SIPA1L1: variants seen among roughly 807,000 people sequenced by gnomAD.
SIPA1L1 encodes the protein signal-induced proliferation-associated 1-like protein 1.
In SIPA1L1, 26 loss-of-function variants were observed where a neutral mutation model predicts 162.7. The observed-to-expected ratio is 0.16, with a 90% CI of 0.12 to 0.22. The LOEUF is 0.22. SIPA1L1 is among the 10% of genes least tolerant of loss of function. SIPA1L1 has a pLI of 1.00. For synonymous variants in SIPA1L1, 829 were observed against 837.4 expected (o/e 0.99, Z 0.17); for missense variants, 1,874 against 2,241.0 (o/e 0.84, Z 3.31).
At chr14:71,667,556 C>T (rs1213919420) in intron 10 of SIPA1L1, among the ~76,000 whole-genome samples, 1 of 152,156 alleles carries the variant, frequency 6.6e-6, no homozygotes, top group Non-Finnish European at 1.5e-5. Flanking sequence ...TCTTTCCTGT[C>T]CTTTGCCCAG....
rs117643565 is a variant in SIPA1L1 at position 71,493,448 on chromosome 14, G to A, written c.-464-19295G>A. Among the ~76,000 whole-genome samples, 243 of 152,290 alleles carry A rather than the reference G, an allele frequency of 1.6e-3. 1 individual carries two copies. The highest frequency in any genetic ancestry group is 2.9e-3 in the Non-Finnish European group (199 of 68,018). On this transcript the variant is annotated intron_variant, in intron 2 of 23. Coordinates refer to ENST00000381232, the MANE Select transcript of SIPA1L1 (RefSeq NM_001386936.1). ...ATGGGAGGTCTTGTTTTACTGCTAT[G>A]TTTGTGAACAATACAAATTCAATTA...
At chr14:71,721,845 G>A (rs2083770254) in intron 17 of SIPA1L1, among the ~76,000 whole-genome samples, 1 of 152,156 alleles carries the variant, frequency 6.6e-6, no homozygotes, top group African/African-American at 2.4e-5. Context: ...TTCAAGGACT[G>A]CAGTCCCTGT....
intron 2 of SIPA1L1, among the ~76,000 whole-genome samples, chr14:71,444,625 G>T (rs1412341569): frequency 1.3e-5 from 2 of 152,132 alleles, no homozygotes; most frequent in Non-Finnish European, 2.9e-5. Flanking sequence ...AGTGTTCTCA[G>T]TGTGACTGTG....
intron 8 of SIPA1L1, among the ~76,000 whole-genome samples, chr14:71,655,975 C>CAAA (rs2043021498): frequency 3.3e-5 from 5 of 151,986 alleles, no homozygotes; most frequent in Admixed American, 3.3e-4. Context: ...TTCATTCTTT[C>CAAA]TGGTAAAGTT....
At chr14:71,674,962 G>T (rs1322527463) in intron 12 of SIPA1L1, among the ~76,000 whole-genome samples, 2 of 152,204 alleles carry the variant, frequency 1.3e-5, no homozygotes, top group Non-Finnish European at 2.9e-5. Flanking sequence ...GCTCTGAACT[G>T]CCACGTTGTG....
chr14:71,466,536 C>G (rs1032079935), intron 2 of SIPA1L1, among the ~76,000 whole-genome samples: 1 of 149,216 alleles, frequency 6.7e-6, no homozygotes, highest in Non-Finnish European at 1.5e-5. Context: ...CCAGGCTGCT[C>G]TGTATTTGTG....
intron 5 of SIPA1L1, among the ~76,000 whole-genome samples, chr14:71,613,237 A>G (rs972382786): frequency 6.6e-6 from 1 of 152,218 alleles, no homozygotes; most frequent in African/African-American, 2.4e-5. Flanking sequence ...GGCTAAGTAA[A>G]TGAGCTGATT....
chr14:71,550,818 A>C (rs930401030), intron 4 of SIPA1L1, among the ~76,000 whole-genome samples: 3 of 152,164 alleles, frequency 2.0e-5, no homozygotes, highest in African/African-American at 7.2e-5. Flanking sequence ...AGGGAGGCTG[A>C]AGCAGAAGGA....
At chr14:71,489,872 A>G (rs1252829614) in intron 2 of SIPA1L1, among the ~76,000 whole-genome samples, 3 of 152,192 alleles carry the variant, frequency 2.0e-5, no homozygotes, top group Non-Finnish European at 2.9e-5. Flanking sequence ...TGAGAAAGGT[A>G]AGACTAGTGG....
chr14:71,394,207 C>G (rs2041000408), intron 2 of SIPA1L1, among the ~76,000 whole-genome samples: 1 of 152,180 alleles, frequency 6.6e-6, no homozygotes, highest in Non-Finnish European at 1.5e-5. Flanking sequence ...GGGCACTCAT[C>G]CTTTCTCTCA....
intron 7 of SIPA1L1, among the ~76,000 whole-genome samples, chr14:71,628,861 A>G (rs2040294088): frequency 6.6e-6 from 1 of 152,206 alleles, no homozygotes; most frequent in African/African-American, 2.4e-5. Flanking sequence ...GAAGGACAGA[A>G]GCACACAGTG....
intron 5 of SIPA1L1, among the ~76,000 whole-genome samples, chr14:71,593,403 G>A (rs769572637): frequency 5.3e-5 from 8 of 151,848 alleles, no homozygotes; most frequent in Non-Finnish European, 1.2e-4. Flanking sequence ...GTAGAGATGG[G>A]GTTTCACCAC....
intron 4 of SIPA1L1, among the ~76,000 whole-genome samples, chr14:71,539,871 G>A (rs750408491): frequency 1.3e-5 from 2 of 152,164 alleles, no homozygotes; most frequent in Non-Finnish European, 2.9e-5. Flanking sequence ...ATCTATTACT[G>A]TAGCTAGAAA....
At chr14:71,363,345 G>A (rs1393420896) in intron 2 of SIPA1L1, among the ~76,000 whole-genome samples, 2 of 152,154 alleles carry the variant, frequency 1.3e-5, no homozygotes, top group Admixed American at 1.3e-4. Context: ...TTTTCCCTAG[G>A]AGGAAAGGGA....
chr14:71,642,048 C>T (rs2041766989), intron 7 of SIPA1L1, among the ~76,000 whole-genome samples: 1 of 152,168 alleles, frequency 6.6e-6, no homozygotes, highest in South Asian at 2.1e-4. Flanking sequence ...AAACTGAAGG[C>T]AAATTTCTGC....
chr14:71,634,755 T>C (rs11628197), intron 7 of SIPA1L1, among the ~76,000 whole-genome samples: 3 of 150,740 alleles, frequency 2.0e-5, no homozygotes, highest in Non-Finnish European at 3.0e-5. Flanking sequence ...GCTAACATGG[T>C]GAAACCCCAT....
intron 4 of SIPA1L1, among the ~76,000 whole-genome samples, chr14:71,543,573 A>T (rs1445611233): frequency 6.6e-6 from 1 of 152,104 alleles, no homozygotes; most frequent in Non-Finnish European, 1.5e-5. Flanking sequence ...TTTTTAAATG[A>T]ACTTTTAGCT....
intron 2 of SIPA1L1, among the ~76,000 whole-genome samples, chr14:71,506,197 G>T (rs2143996503): frequency 6.6e-6 from 1 of 152,152 alleles, no homozygotes; most frequent in Non-Finnish European, 1.5e-5. Flanking sequence ...TTGGATAATT[G>T]ACTTGTTTCC....
intron 2 of SIPA1L1, among the ~76,000 whole-genome samples, chr14:71,467,981 A>T (rs559839826): frequency 6.6e-6 from 1 of 151,758 alleles, no homozygotes; most frequent in South Asian, 2.1e-4. Flanking sequence ...GAGTAAAACC[A>T]TAAAGGGGAA....
Sources: allele counts gnomAD v4.1 joint callset (sites outside exome capture counted in the v4.1 genomes callset), GRCh38; gene constraint gnomAD v4.1.1; transcripts MANE v1.5; gene names NCBI Gene and HGNC (gene_info 2026-07-23, HGNC 2026-07-21).